Variants in KRT83 observed in about 807,000 individuals in gnomAD.
KRT83 encodes keratin 83.
In KRT83, 51 loss-of-function variants were observed where a neutral mutation model predicts 52.9. The observed-to-expected ratio is 0.96, with a 90% CI of 0.77 to 1.22. KRT83 has a LOEUF of 1.22. KRT83 is among the 50% of genes most tolerant of loss of function. The pLI, the probability that KRT83 is intolerant of heterozygous loss-of-function variation, is 0.00. For synonymous variants in KRT83, 278 were observed against 274.1 expected (o/e 1.01, Z -0.14); for missense variants, 654 against 666.5 (o/e 0.98, Z 0.21).
rs200690744 is a variant in KRT83, at chr12:52,319,252, G to A, written c.497C>T (p.Thr166Ile). 1 of 1,613,886 alleles carries A rather than the reference G, an allele frequency of 6.2e-7. No homozygotes were observed. Among genetic ancestry groups the A allele is most frequent in the African/African-American group, 1.3e-5 (1 of 74,930 alleles). Residue 166 changes from threonine to isoleucine, a missense_variant, in exon 2 of 9, where the codon ACT becomes ATT. By Grantham distance (89) the Thr-to-Ile change is moderately conservative. Transcript: ENST00000293670. ...LEPLFAGYIETLRREAECVEA... is the reference protein window; with the variant it reads ...LEPLFAGYIEILRREAECVEA... ...CACGCACTCGGCCTCCCGCCGCAGA[G>A]TCTCGATGTAGCCAGCAAACAGGGG... is the stretch of plus-strand genomic sequence containing the variant.
In KRT83 at chr12:52,315,904, G is replaced by T. The variant is rs140907551; in HGVS notation, c.1251C>A (p.Gly417=). 1 of 1,612,404 alleles carries T rather than the reference G, an allele frequency of 6.2e-7. No homozygotes were observed. The highest frequency in any genetic ancestry group is 8.5e-7 in the Non-Finnish European group (1 of 1,179,886). ...EIATYRRLLE[G]EEQRLCEGVE... Reference sequence around the variant, plus strand: ...TGGGTTGGACCCACCTCTGCTCCTCGCCCTCCAGCAGGCGCCTGTAGGTGG... The same window carrying T: ...TGGGTTGGACCCACCTCTGCTCCTCTCCCTCCAGCAGGCGCCTGTAGGTGG... The change falls in exon 7 of 9, where the codon GGC becomes GGA. Residue 417 remains glycine, a synonymous_variant. Transcript: ENST00000293670.
intron 7 of KRT83, 140 bp downstream of exon 7, chr12:52,315,753 T>C: frequency 7.9e-7 from 1 of 1,258,388 alleles, no homozygotes; most frequent in Admixed American, 2.0e-5. Flanking sequence ...TTGGAAGAGT[T>C]GAGAATGAGA....
Position 52,319,345 on chromosome 12 carries a change from T to C in KRT83, c.404A>G (p.Gln135Arg). The change falls in exon 2 of 9, where the codon CAG (glutamine) becomes CGG (arginine). Residue 135 changes from glutamine (Q) to arginine (R), a missense_variant. Coordinates refer to ENST00000293670, the MANE Select transcript of KRT83 (RefSeq NM_002282.3). ...CAGCTTTGTCTCCAGCAGCTTGTTC[T>C]GCTGCTCCAGGAAGCGCACCTGCCA... Reference protein sequence around the residue: ...FIDKVRFLEQQNKLLETKLQF... With the variant: ...FIDKVRFLEQRNKLLETKLQF... 6.2e-7 allele frequency: 1 copy of C among 1,614,066 alleles called. No individual in the cohort carries two copies. Among genetic ancestry groups the C allele is most frequent in the Non-Finnish European group, 8.5e-7 (1 of 1,179,908 alleles).
rs755310254 is a variant in KRT83 at position 52,321,186 on chromosome 12, A to G, written c.150T>C (p.Phe50=). 1.1e-5 allele frequency: 18 copies of G among 1,612,700 alleles called. No homozygotes were observed. Among genetic ancestry groups the G allele is most frequent in the East Asian group, 8.9e-5 (4 of 44,870 alleles). ...AGCCCCCGCACACGCTGTGGCTGCC[A>G]AAGCCCCCGGTGAGGCCGCGGTAGC... ...ISCYRGLTGG[F]GSHSVCGGFR... The change falls in exon 1 of 9, where the codon TTT becomes TTC. Residue 50 remains phenylalanine (F), a synonymous_variant. Transcript: ENST00000293670.
In KRT83 at chr12:52,321,035, C is replaced by G. The variant is rs771394395; in HGVS notation, c.301G>C (p.Asp101His). The G allele has an allele frequency of 2.5e-6, 4 of 1,613,022 alleles. No homozygotes were observed. In the South Asian group the frequency reaches 4.4e-5, roughly 18 times the overall value. ...TGCTTCACGCACTGCGCGTTGGGGTCTATCTCCAGGTTGAGGGGCGTGAGG... is the reference window on the plus strand; with the variant it reads ...TGCTTCACGCACTGCGCGTTGGGGTGTATCTCCAGGTTGAGGGGCGTGAGG... ...SLLTPLNLEI[D>H]PNAQCVKQEE... The change falls in exon 1 of 9, where the codon GAC (aspartate) becomes CAC (histidine). Residue 101 changes from aspartate to histidine, a missense_variant. Transcript: ENST00000293670.
intron 7 of KRT83, among the ~76,000 whole-genome samples, chr12:52,315,643 G>C (rs1280910853): frequency 6.6e-6 from 1 of 152,240 alleles, no homozygotes; most frequent in Non-Finnish European, 1.5e-5. Flanking sequence ...ACTTTCAGAA[G>C]GAGAAGGCCC....
intron 2 of KRT83, 21 bp from the exon 3 acceptor site, chr12:52,317,991 A>C: frequency 6.2e-7 from 1 of 1,611,210 alleles, no homozygotes; most frequent in Non-Finnish European, 8.5e-7. Flanking sequence ...CAGGGAGAAC[A>C]GGACCTTGTC....
intron 1 of KRT83, 48 bp from the exon 2 acceptor site, chr12:52,319,412 G>A (rs926031041): frequency 6.3e-7 from 1 of 1,587,724 alleles, no homozygotes; most frequent in African/African-American, 1.5e-5. Context: ...CAGCATCAGA[G>A]GACAAAGAGG....
chr12:52,317,036 G>A lies in KRT83; in HGVS notation c.751-13C>T. ...GAATGCGGATCTCCTGCAGGAGGTG[G>A]GGAAAGGAAGGACAACTCACTTATC... is the stretch of plus-strand genomic sequence containing the variant. On this transcript the variant is annotated splice_polypyrimidine_tract_variant and intron_variant, in intron 4 of 8. Coordinates refer to ENST00000293670, the MANE Select transcript of KRT83 (RefSeq NM_002282.3). 6.2e-7 allele frequency: 1 copy of A among 1,614,162 alleles called. No homozygotes were observed. The highest frequency in any genetic ancestry group is 1.6e-4 in the Middle Eastern group (1 of 6,062).
chr12:52,320,354 T>C (rs2852465), intron 1 of KRT83, among the ~76,000 whole-genome samples: 57,711 of 152,024 alleles, frequency 0.38, 11,468 homozygotes, highest in African/African-American at 0.48. Context: ...CAAACTCTAG[T>C]TGGACACTGA....
rs140635030 is a variant in KRT83, at chr12:52,316,071, C to T, written c.1084G>A (p.Gly362Ser). 2.4e-3 allele frequency: 3,875 copies of T among 1,613,682 alleles called. 77 individuals carry two copies. The African/African-American group carries it at 0.044, about 18-fold the overall frequency. ...CGGGCATCACTGAGGGCCGCCTCAC[C>T]CTGCTGCTCAGACTGGGCCACCGCA... ...EAAVAQSEQQ[G>S]EAALSDARCK... is the part of the protein sequence containing the mutation. The change falls in exon 7 of 9, where the codon GGT (glycine) becomes AGT (serine). Residue 362 changes from glycine to serine, a missense_variant. Transcript: ENST00000293670.
At chr12:52,320,191 T>C (rs2121347535) in intron 1 of KRT83, among the ~76,000 whole-genome samples, 1 of 152,246 alleles carries the variant, frequency 6.6e-6, no homozygotes. Context: ...TCCTTTCTGG[T>C]GGGCATCTCT....
Position 52,317,632 on chromosome 12 carries a change from A to G in KRT83, c.750+49T>C, listed in dbSNP as rs2852460. 646,285 of 1,587,032 alleles carry G rather than the reference A, an allele frequency of 0.41. 134,408 individuals are homozygous for G. Among genetic ancestry groups the G allele is most frequent in the African/African-American group, 0.49 (36,177 of 74,372 alleles). On this transcript the variant is annotated intron_variant, in intron 4 of 8. Coordinates refer to ENST00000293670, the MANE Select transcript of KRT83 (RefSeq NM_002282.3). ...CCTGTGGGTGTCTGGGCAGAGGGTC[A>G]GGGATCCCATGGGGGGATCTGTGCC...
chr12:52,319,784 T>G (rs1938742984), intron 1 of KRT83, among the ~76,000 whole-genome samples: 1 of 152,224 alleles, frequency 6.6e-6, no homozygotes, highest in South Asian at 2.1e-4. Context: ...TGGACCTTTT[T>G]AGAAAGGCAA....
rs1319206429 is a variant in KRT83, at chr12:52,315,881, G to T, written c.1262+12C>A. The T allele has an allele frequency of 3.1e-6, 5 of 1,612,258 alleles. No individual in the cohort carries two copies. The Middle Eastern group carries it at 6.5e-4, about 210-fold the overall frequency. On this transcript the variant is annotated intron_variant, in intron 7 of 8. Coordinates refer to ENST00000293670, the MANE Select transcript of KRT83 (RefSeq NM_002282.3). Reference sequence around the variant, plus strand: ...TATGCAAGTGGAGTGCTTAGGGCTGGGTTGGACCCACCTCTGCTCCTCGCC... The same window carrying T: ...TATGCAAGTGGAGTGCTTAGGGCTGTGTTGGACCCACCTCTGCTCCTCGCC...
chr12:52,320,037 A>C (rs1369679866), intron 1 of KRT83, among the ~76,000 whole-genome samples: 1 of 152,106 alleles, frequency 6.6e-6, no homozygotes, highest in Non-Finnish European at 1.5e-5. Context: ...AATTATAGGA[A>C]CATCCCTCTC....
rs573181731 is a variant in KRT83, at chr12:52,316,415, G to A, written c.1041+53C>T. 158 of 1,613,400 alleles carry A rather than the reference G, an allele frequency of 9.8e-5. No homozygotes were observed. In the Admixed American group the frequency reaches 2.4e-3, roughly 25 times the overall value. ...AGAATCTAACTCAAATCCCTCTGCC[G>A]AGGGCTAACCCCAGTCTCTTCCTAC... On this transcript the variant is annotated intron_variant, in intron 6 of 8. Coordinates refer to ENST00000293670, the MANE Select transcript of KRT83 (RefSeq NM_002282.3).
intron 4 of KRT83, 58 bp downstream of exon 4, chr12:52,317,623 C>T: frequency 6.4e-7 from 1 of 1,574,352 alleles, no homozygotes; most frequent in Non-Finnish European, 8.7e-7. Context: ...GGTGTCTGGG[C>T]AGAGGGTCAG....
intron 4 of KRT83, 55 bp from the exon 5 acceptor site, chr12:52,317,078 C>G: frequency 6.2e-7 from 1 of 1,611,216 alleles, no homozygotes; most frequent in South Asian, 1.1e-5. Context: ...TCTCCTAATC[C>G]CTGGATGCCT....
Sources: gnomAD v4.1 joint callset for allele counts (sites outside exome capture counted in the v4.1 genomes callset) on GRCh38, gnomAD v4.1.1 for gene constraint, MANE v1.5 for transcripts, NCBI Gene and HGNC (gene_info 2026-07-23, HGNC 2026-07-21) for gene names.